ITPR2: variants seen among roughly 807,000 people sequenced by gnomAD.
ITPR2 encodes inositol 1,4,5-trisphosphate receptor type 2.
ITPR2 carries 207 observed loss-of-function variants against 317.1 expected under a neutral mutation model. That is an observed-to-expected ratio of 0.65 (90% CI 0.58 to 0.73). The LOEUF is 0.73. ITPR2 is among the 30% of genes least tolerant of loss of function. The probability of loss-of-function intolerance (pLI) is 0.00; values close to 1 mark genes in which losing one functional copy is unlikely to be tolerated. For synonymous variants in ITPR2, 1,156 were observed against 1,149.1 expected (o/e 1.01, Z -0.12); for missense variants, 2,613 against 3,284.0 (o/e 0.80, Z 4.99).
At chr12:26,506,236 T>A (rs1378538719) in intron 37 of ITPR2, among the ~76,000 whole-genome samples, 1 of 150,596 alleles carries the variant, frequency 6.6e-6, no homozygotes, top group Non-Finnish European at 1.5e-5. Context: ...TAGCCTGGTG[T>A]GATAACATAC....
intron 4 of ITPR2, among the ~76,000 whole-genome samples, chr12:26,723,582 C>G (rs530504092): frequency 3.7e-4 from 56 of 152,184 alleles, no homozygotes; most frequent in Non-Finnish European, 6.9e-4. Context: ...ATCCATCATT[C>G]GATTAAGTCA....
At chr12:26,719,269 C>T (rs540028020) in intron 5 of ITPR2, among the ~76,000 whole-genome samples, 94 of 152,118 alleles carry the variant, frequency 6.2e-4, no homozygotes, top group Admixed American at 7.2e-4. Context: ...AAGCTCAGGA[C>T]GTGATTCACA....
At chr12:26,478,893 T>C (rs1267557000) in intron 43 of ITPR2, among the ~76,000 whole-genome samples, 1 of 152,088 alleles carries the variant, frequency 6.6e-6, no homozygotes, top group Non-Finnish European at 1.5e-5. Flanking sequence ...TAAAGCTAAG[T>C]ATACTTAAAA....
At chr12:26,727,311 G>A (rs929525835) in intron 2 of ITPR2, among the ~76,000 whole-genome samples, 15 of 152,112 alleles carry the variant, frequency 9.9e-5, no homozygotes, top group African/African-American at 3.6e-4. Flanking sequence ...CCTATATTAG[G>A]CAAGTGGCAA....
At chr12:26,540,446 CT>C (rs999757601) in intron 37 of ITPR2, among the ~76,000 whole-genome samples, 20 of 152,008 alleles carry the variant, frequency 1.3e-4, no homozygotes, top group African/African-American at 4.3e-4. Context: ...TTCTCTTCTC[CT>C]TTTTTTTCTT....
intron 45 of ITPR2, among the ~76,000 whole-genome samples, chr12:26,464,218 C>A (rs141982658): frequency 6.6e-6 from 1 of 152,064 alleles, no homozygotes; most frequent in African/African-American, 2.4e-5. Flanking sequence ...ATATTTATTG[C>A]GCACATTATT....
intron 1 of ITPR2, among the ~76,000 whole-genome samples, chr12:26,790,726 T>C (rs540573122): frequency 6.6e-6 from 1 of 152,174 alleles, no homozygotes. Flanking sequence ...TGTGTATGTA[T>C]GTTTTACAGG....
At chr12:26,640,391 T>C (rs1418127090) in intron 21 of ITPR2, among the ~76,000 whole-genome samples, 3 of 152,106 alleles carry the variant, frequency 2.0e-5, no homozygotes, top group African/African-American at 7.2e-5. Flanking sequence ...AAAAAAAACA[T>C]ATACTTAGAA....
At chr12:26,443,925 T>C (rs944357913) in intron 45 of ITPR2, among the ~76,000 whole-genome samples, 2 of 152,162 alleles carry the variant, frequency 1.3e-5, no homozygotes, top group African/African-American at 2.4e-5. Flanking sequence ...TAATTGACAC[T>C]GTCTATAGTA....
At chr12:26,757,137 G>T (rs1565741121) in intron 2 of ITPR2, among the ~76,000 whole-genome samples, 1 of 151,984 alleles carries the variant, frequency 6.6e-6, no homozygotes, top group Non-Finnish European at 1.5e-5. Context: ...ATATTATCAA[G>T]AAATAACCAT....
intron 55 of ITPR2, among the ~76,000 whole-genome samples, chr12:26,354,292 C>G (rs527678699): frequency 6.6e-6 from 1 of 152,086 alleles, no homozygotes; most frequent in Admixed American, 6.6e-5. Context: ...ATAATAAAAT[C>G]CGTTTTGGTA....
At chr12:26,512,370 T>C (rs1448207441) in intron 37 of ITPR2, among the ~76,000 whole-genome samples, 1 of 152,198 alleles carries the variant, frequency 6.6e-6, no homozygotes, top group Non-Finnish European at 1.5e-5. Context: ...TCTGTTCACC[T>C]GAGATAAATG....
chr12:26,383,466 T>TTTTG (rs144997730), intron 55 of ITPR2, among the ~76,000 whole-genome samples: 201 of 151,462 alleles, frequency 1.3e-3, no homozygotes, highest in Middle Eastern at 3.4e-3. Context: ...TTCTATGTTT[T>TTTTG]TTTGTTTGTT....
At chr12:26,470,444 G>C (rs1308202904) in intron 45 of ITPR2, among the ~76,000 whole-genome samples, 1 of 152,218 alleles carries the variant, frequency 6.6e-6, no homozygotes, top group Non-Finnish European at 1.5e-5. Context: ...GACTGACAAA[G>C]AGTTATTATC....
At chr12:26,446,303 A>G (rs1941608416) in intron 45 of ITPR2, among the ~76,000 whole-genome samples, 1 of 152,066 alleles carries the variant, frequency 6.6e-6, no homozygotes, top group Non-Finnish European at 1.5e-5. Flanking sequence ...ATTCAGCTGT[A>G]TGGGTATACG....
intron 21 of ITPR2, among the ~76,000 whole-genome samples, chr12:26,648,507 TTTC>T (rs1453777083): frequency 1.4e-5 from 2 of 141,520 alleles, no homozygotes; most frequent in Non-Finnish European, 3.2e-5. Context: ...ATAAAACCAC[TTTC>T]TTTTTTTTTT....
chr12:26,647,908 T>C (rs988099209), intron 21 of ITPR2, among the ~76,000 whole-genome samples: 1 of 152,122 alleles, frequency 6.6e-6, no homozygotes, highest in Non-Finnish European at 1.5e-5. Context: ...GGACCACCTT[T>C]AGGGTACAAA....
chr12:26,340,392 G>GTTT, intron 55 of ITPR2, 64 bp from the exon 56 acceptor site: 1 of 1,428,504 alleles, frequency 7.0e-7, no homozygotes, highest in Non-Finnish European at 9.3e-7. Context: ...GTCTATAGCT[G>GTTT]TTTATTATTA....
At chr12:26,785,335 C>T (rs1333970681) in intron 2 of ITPR2, among the ~76,000 whole-genome samples, 4 of 40,116 alleles carry the variant, frequency 1.0e-4, no homozygotes, top group African/African-American at 1.8e-4. Context: ...CCAGCCGCCC[C>T]GTCCGGGAGG....
Sources: allele counts gnomAD v4.1 joint callset (sites outside exome capture counted in the v4.1 genomes callset), GRCh38; gene constraint gnomAD v4.1.1; transcripts MANE v1.5; gene names NCBI Gene and HGNC (gene_info 2026-07-23, HGNC 2026-07-21).